The following ARHGEF3 variants were observed in gnomAD, a reference collection of about 807,000 sequenced individuals.
The protein encoded by ARHGEF3 is 59.8 kDA protein.
In ARHGEF3, 28 loss-of-function variants were observed where a neutral mutation model predicts 63.2. The observed-to-expected ratio is 0.44, with a 90% CI of 0.33 to 0.61. The LOEUF (loss-of-function observed/expected upper bound fraction) is 0.61. ARHGEF3 is among the 20% of genes least tolerant of loss of function. The pLI is 0.03. For synonymous variants in ARHGEF3, 266 were observed against 254.2 expected (o/e 1.05, Z -0.44); for missense variants, 533 against 659.3 (o/e 0.81, Z 2.10).
intron 2 of ARHGEF3, among the ~76,000 whole-genome samples, chr3:56,994,684 C>G (rs1306851630): frequency 6.6e-6 from 1 of 152,074 alleles, no homozygotes; most frequent in African/African-American, 2.4e-5. Context: ...CTCATTAAAC[C>G]TGTAACAAAA....
chr3:56,850,253 A>G (rs1277309576), intron 4 of ARHGEF3, among the ~76,000 whole-genome samples: 1 of 152,192 alleles, frequency 6.6e-6, no homozygotes, highest in East Asian at 1.9e-4. Flanking sequence ...TTGGGTCTGG[A>G]CACGGTGGCT....
At chr3:56,885,770 C>CTCCTTAAGGT (rs1487368565) in intron 3 of ARHGEF3, among the ~76,000 whole-genome samples, 7 of 152,226 alleles carry the variant, frequency 4.6e-5, no homozygotes, top group Admixed American at 3.3e-4. Context: ...ATAGAATGAT[C>CTCCTTAAGGT]TCCTTAAGGA....
At chr3:56,819,769 C>T (rs749508995) in intron 4 of ARHGEF3, among the ~76,000 whole-genome samples, 5 of 151,866 alleles carry the variant, frequency 3.3e-5, no homozygotes, top group East Asian at 1.9e-4. Flanking sequence ...AATCCTCCTG[C>T]CTTAGCCTCC....
chr3:56,916,250 C>CCCGGCTCGGGTGGGAGTTGAGAG (rs2041984842), intron 3 of ARHGEF3: 1 of 1,519,002 alleles, frequency 6.6e-7, no homozygotes, highest in Non-Finnish European at 8.8e-7. Flanking sequence ...CACCACCCCA[C>CCCGGCTCGGGTGGGAGTTGAGAG]CCGGCTCGGG....
chr3:56,838,027 T>C (rs2039177074), intron 4 of ARHGEF3, among the ~76,000 whole-genome samples: 2 of 152,192 alleles, frequency 1.3e-5, no homozygotes, highest in South Asian at 4.1e-4. Flanking sequence ...GAAAACTGTG[T>C]GCAAAAGTAA....
At chr3:56,911,210 T>C (rs748527817) in intron 3 of ARHGEF3, among the ~76,000 whole-genome samples, 5 of 152,040 alleles carry the variant, frequency 3.3e-5, no homozygotes, top group Non-Finnish European at 7.4e-5. Flanking sequence ...GGGTGGGGTC[T>C]GTGAGAGGTA....
At chr3:56,775,237 G>A (rs2036230057) in intron 1 of ARHGEF3, 11 of 1,311,666 alleles carry the variant, frequency 8.4e-6, no homozygotes, top group Non-Finnish European at 9.8e-7. Flanking sequence ...AACATAGTAG[G>A]TGCCTGGAAA....
intron 2 of ARHGEF3, among the ~76,000 whole-genome samples, chr3:57,029,613 G>A (rs1241814782): frequency 6.6e-6 from 1 of 152,126 alleles, no homozygotes; most frequent in African/African-American, 2.4e-5. Context: ...GATGAGGTCT[G>A]CAAAAAGGTC....
At chr3:56,733,870 G>A (rs571456145) in intron 8 of ARHGEF3, among the ~76,000 whole-genome samples, 79 of 151,302 alleles carry the variant, frequency 5.2e-4, no homozygotes, top group African/African-American at 1.9e-3. Flanking sequence ...TATAATCCCA[G>A]CTACTCAGGA....
intron 4 of ARHGEF3, among the ~76,000 whole-genome samples, chr3:56,833,072 T>G (rs2038985475): frequency 2.0e-5 from 3 of 152,216 alleles, no homozygotes; most frequent in Admixed American, 2.0e-4. Flanking sequence ...AATACCTGTT[T>G]GAGTACCTGT....
At chr3:56,763,078 A>G (rs41519844) in intron 2 of ARHGEF3, among the ~76,000 whole-genome samples, 1,749 of 152,304 alleles carry the variant, frequency 0.011, 67 homozygotes, top group East Asian at 0.11. Context: ...GGTGAAGAAC[A>G]TAGGCTTTGG....
chr3:56,835,104 A>G (rs950714053), intron 4 of ARHGEF3, among the ~76,000 whole-genome samples: 54 of 152,190 alleles, frequency 3.5e-4, no homozygotes, highest in African/African-American at 1.3e-3. Flanking sequence ...AAAGTATTCT[A>G]AATATAAATT....
intron 2 of ARHGEF3, among the ~76,000 whole-genome samples, chr3:56,962,270 G>A (rs1488149976): frequency 2.0e-5 from 3 of 152,188 alleles, no homozygotes; most frequent in Non-Finnish European, 4.4e-5. Flanking sequence ...CCTCACCAAA[G>A]GAGGGGCCTC....
At chr3:56,897,092 A>G (rs1409316279) in intron 3 of ARHGEF3, among the ~76,000 whole-genome samples, 3 of 152,188 alleles carry the variant, frequency 2.0e-5, no homozygotes, top group Non-Finnish European at 4.4e-5. Flanking sequence ...CTTCTACTGG[A>G]GGGAAGAGCT....
At chr3:56,735,166 C>A (rs1326457698) in intron 8 of ARHGEF3, among the ~76,000 whole-genome samples, 2 of 152,148 alleles carry the variant, frequency 1.3e-5, no homozygotes, top group African/African-American at 2.4e-5. Context: ...TGCCTGTAAT[C>A]CCAGCTACTC....
intron 2 of ARHGEF3, chr3:56,960,703 C>A: frequency 6.6e-6 from 1 of 152,350 alleles, no homozygotes; most frequent in Non-Finnish European, 1.5e-5. Context: ...CCTCAACCTC[C>A]TCTTCACCCA....
chr3:56,784,173 C>T (rs1267479445), intron 1 of ARHGEF3, among the ~76,000 whole-genome samples: 1 of 152,208 alleles, frequency 6.6e-6, no homozygotes, highest in Non-Finnish European at 1.5e-5. Context: ...ATGCTCAGAG[C>T]TGGAGAACTT....
At chr3:56,743,570 G>T (rs1169949424) in intron 7 of ARHGEF3, among the ~76,000 whole-genome samples, 3 of 152,098 alleles carry the variant, frequency 2.0e-5, no homozygotes, top group African/African-American at 7.2e-5. Context: ...GGTTAAATGA[G>T]ATACATAACC....
intron 1 of ARHGEF3, among the ~76,000 whole-genome samples, chr3:56,795,710 C>G (rs543308740): frequency 7.0e-6 from 1 of 143,144 alleles, no homozygotes; most frequent in African/African-American, 2.7e-5. Context: ...GAGTGGCGCT[C>G]GGCTCACTGC....
Sources: gnomAD v4.1 joint callset for allele counts (sites outside exome capture counted in the v4.1 genomes callset) on GRCh38, gnomAD v4.1.1 for gene constraint, MANE v1.5 for transcripts, NCBI Gene and HGNC (gene_info 2026-07-23, HGNC 2026-07-21) for gene names.